FHOD3: variants seen among roughly 807,000 people sequenced by gnomAD.
FHOD3 encodes formin homology 2 domain containing 3.
A neutral mutation model predicts 173.0 loss-of-function variants in FHOD3; 90 were observed. The ratio of observed to expected loss-of-function variants is 0.52; its 90% CI spans 0.44 to 0.62. The LOEUF is 0.62. FHOD3 is among the 20% of genes least tolerant of loss of function. The pLI, the probability that FHOD3 is intolerant of heterozygous loss-of-function variation, is 0.00. For missense variants in FHOD3, 1,945 were observed against 2,034.7 expected, an observed-to-expected ratio of 0.96 and a Z score of 0.85; for synonymous variants, 828 against 823.0, an observed-to-expected ratio of 1.01 and a Z score of -0.10.
At chr18:36,749,736 T>C (rs1315144314) in intron 24 of FHOD3, among the ~76,000 whole-genome samples, 1 of 152,248 alleles carries the variant, frequency 6.6e-6, no homozygotes, top group Non-Finnish European at 1.5e-5. Flanking sequence ...GTTCTGCTTT[T>C]AGCTCTTTGA....
intron 2 of FHOD3, among the ~76,000 whole-genome samples, chr18:36,365,299 C>G (rs570782778): frequency 6.6e-6 from 1 of 152,230 alleles, no homozygotes; most frequent in Middle Eastern, 3.4e-3. Context: ...TTTGCATCCC[C>G]AAAAGACATA....
At chr18:36,478,549 C>G (rs1275792087) in intron 3 of FHOD3, among the ~76,000 whole-genome samples, 1 of 152,132 alleles carries the variant, frequency 6.6e-6, no homozygotes, top group Admixed American at 6.5e-5. Context: ...TCCCCACTCC[C>G]TCTGCCAATG....
intron 27 of FHOD3, among the ~76,000 whole-genome samples, chr18:36,763,001 T>C (rs1041100755): frequency 3.3e-4 from 40 of 122,778 alleles, no homozygotes; most frequent in South Asian, 9.6e-4. Flanking sequence ...GCGTATTATA[T>C]ACGTTATATA....
At chr18:36,355,761 C>G in intron 2 of FHOD3, 116 bp downstream of exon 2, 1 of 789,156 alleles carries the variant, frequency 1.3e-6, no homozygotes, top group Non-Finnish European at 2.0e-6. Flanking sequence ...TCTTAATTCT[C>G]AATCACACAC....
chr18:36,402,506 TACACACACAC>T (rs146120105), intron 3 of FHOD3, among the ~76,000 whole-genome samples: 138 of 143,990 alleles, frequency 9.6e-4, no homozygotes, highest in East Asian at 5.1e-3. Flanking sequence ...GATGCAATTA[TACACACACAC>T]ACACACACAC....
chr18:36,310,044 G>C (rs565252038), intron 1 of FHOD3, among the ~76,000 whole-genome samples: 1 of 152,168 alleles, frequency 6.6e-6, no homozygotes, highest in Non-Finnish European at 1.5e-5. Context: ...CTGTTGTTCC[G>C]CCTGGCTCCC....
chr18:36,719,889 T>C (rs182547204), intron 19 of FHOD3, among the ~76,000 whole-genome samples: 1 of 152,352 alleles, frequency 6.6e-6, no homozygotes, highest in Admixed American at 6.5e-5. Flanking sequence ...TTTCAAAATG[T>C]GCTGGGATTC....
chr18:36,760,531 C>T (rs752397092), intron 26 of FHOD3, 77 bp from the exon 27 acceptor site: 26 of 1,375,796 alleles, frequency 1.9e-5, no homozygotes, highest in Non-Finnish European at 2.5e-5. Flanking sequence ...AGCTTTTCCT[C>T]AACCACGGGT....
At chr18:36,447,672 C>A (rs143444226) in intron 3 of FHOD3, among the ~76,000 whole-genome samples, 87 of 152,158 alleles carry the variant, frequency 5.7e-4, no homozygotes, top group Non-Finnish European at 8.8e-4. Flanking sequence ...AGTCAGTGCC[C>A]CAAAATGGCA....
At chr18:36,308,989 C>T (rs1401040907) in intron 1 of FHOD3, among the ~76,000 whole-genome samples, 1 of 152,268 alleles carries the variant, frequency 6.6e-6, no homozygotes, top group East Asian at 1.9e-4. Flanking sequence ...TGTTTCTGGC[C>T]TCCCTACTGA....
chr18:36,522,243 T>G (rs1385240860), intron 5 of FHOD3, among the ~76,000 whole-genome samples: 2 of 152,192 alleles, frequency 1.3e-5, no homozygotes, highest in African/African-American at 4.8e-5. Flanking sequence ...AATAGAAGAA[T>G]GATAGACTAT....
At chr18:36,564,149 C>T (rs2058185340) in intron 5 of FHOD3, among the ~76,000 whole-genome samples, 1 of 152,154 alleles carries the variant, frequency 6.6e-6, no homozygotes, top group South Asian at 2.1e-4. Flanking sequence ...CCACTGCTGA[C>T]CCTGCTGCAG....
chr18:36,352,147 C>T (rs2046158597), intron 1 of FHOD3, among the ~76,000 whole-genome samples: 1 of 151,928 alleles, frequency 6.6e-6, no homozygotes, highest in Non-Finnish European at 1.5e-5. Flanking sequence ...CACAATGGTT[C>T]ACATCTGTAA....
intron 6 of FHOD3, among the ~76,000 whole-genome samples, chr18:36,593,242 A>G (rs541397484): frequency 6.6e-6 from 1 of 152,294 alleles, no homozygotes; most frequent in African/African-American, 2.4e-5. Context: ...AGTGGTGGTG[A>G]TGGAAGTCCT....
chr18:36,542,867 C>T (rs1456369095), intron 5 of FHOD3, among the ~76,000 whole-genome samples: 2 of 152,126 alleles, frequency 1.3e-5, no homozygotes, highest in African/African-American at 2.4e-5. Context: ...AAGTGGGGTG[C>T]ATTAGCTCCC....
At chr18:36,503,026 T>G (rs984828089) in intron 4 of FHOD3, among the ~76,000 whole-genome samples, 4 of 152,240 alleles carry the variant, frequency 2.6e-5, no homozygotes, top group African/African-American at 4.8e-5. Context: ...TTTGCTGTTA[T>G]AAACCATGCT....
chr18:36,301,306 C>T (rs1193662131), intron 1 of FHOD3, among the ~76,000 whole-genome samples: 1 of 152,170 alleles, frequency 6.6e-6, no homozygotes, highest in Non-Finnish European at 1.5e-5. Context: ...ACTTAGTTCA[C>T]GTCTGCTGAC....
chr18:36,380,541 CTCTTTCTTTTGTTT>C (rs1238830489), intron 3 of FHOD3, among the ~76,000 whole-genome samples: 47 of 127,552 alleles, frequency 3.7e-4, no homozygotes, highest in African/African-American at 1.5e-3. Context: ...CCCTTTCTCT[CTCTTTCTTTTGTTT>C]TCTTTTCTTT....
chr18:36,728,986 A>G (rs1367956183), intron 19 of FHOD3, among the ~76,000 whole-genome samples: 2 of 152,172 alleles, frequency 1.3e-5, no homozygotes, highest in Non-Finnish European at 2.9e-5. Flanking sequence ...CAACCTAGAC[A>G]AAGCCACTTC....
Sources: gnomAD v4.1 joint callset for allele counts (sites outside exome capture counted in the v4.1 genomes callset) on GRCh38, gnomAD v4.1.1 for gene constraint, MANE v1.5 for transcripts, NCBI Gene and HGNC (gene_info 2026-07-23, HGNC 2026-07-21) for gene names.